ITGB5: variants seen among roughly 807,000 people sequenced by gnomAD.
ITGB5 encodes the protein integrin subunit beta 5, also known as integrin beta-5.
Under a neutral mutation model 84.8 loss-of-function variants are expected in ITGB5, and 38 were observed. That is an observed-to-expected ratio of 0.45 (90% confidence interval 0.35 to 0.59). The LOEUF (loss-of-function observed/expected upper bound fraction) is 0.59. ITGB5 is among the 20% of genes least tolerant of loss of function. The pLI, the probability that ITGB5 is intolerant of heterozygous loss-of-function variation, is 0.01. For synonymous variants in ITGB5, 393 were observed against 414.4 expected (o/e 0.95, Z 0.63); for missense variants, 905 against 1,034.5 (o/e 0.87, Z 1.72).
Position 124,796,406 on chromosome 3 carries a change from T to C in ITGB5, c.1675A>G (p.Lys559Glu), listed in dbSNP as rs751154512. Residue 559 changes from lysine to glutamate, a missense_variant, in exon 10 of 15, where the codon AAG (lysine) becomes GAG (glutamate). Lys to Glu is a moderately conservative substitution (Grantham distance 56). Transcript: ENST00000296181. ...ECDNFSCARN[K>E]GVLCSGHGEC... ...CACTTACCTGAGCAGAGGACTCCCT[T>C]GTTCCTGGCACAGGAGAAGTTGTCG... 5.0e-6 allele frequency: 8 copies of C among 1,612,198 alleles called. No homozygotes were observed. Among genetic ancestry groups the C allele is most frequent in the Non-Finnish European group, 6.8e-6 (8 of 1,178,814 alleles).
chr3:124,867,191 T>C (rs556609598), intron 2 of ITGB5, among the ~76,000 whole-genome samples: 3 of 152,038 alleles, frequency 2.0e-5, no homozygotes, highest in African/African-American at 7.2e-5. Context: ...CGACCCCATT[T>C]CCATGCATCC....
chr3:124,823,726 T>C (rs1243882897), intron 5 of ITGB5, among the ~76,000 whole-genome samples: 1 of 151,598 alleles, frequency 6.6e-6, no homozygotes, highest in Admixed American at 6.6e-5. Context: ...AATAAGGCAA[T>C]GCATTATAAG....
intron 5 of ITGB5, among the ~76,000 whole-genome samples, chr3:124,838,094 T>C (rs1159889269): frequency 2.0e-5 from 3 of 152,054 alleles, no homozygotes; most frequent in Admixed American, 6.6e-5. Flanking sequence ...ATGGGTGTGG[T>C]TGGGAATACA....
chr3:124,765,627 A>G (rs538344634), intron 13 of ITGB5, among the ~76,000 whole-genome samples: 2 of 152,186 alleles, frequency 1.3e-5, no homozygotes, highest in Non-Finnish European at 2.9e-5. Context: ...ACAGGGCCCT[A>G]TCCTTCTATA....
intron 3 of ITGB5, among the ~76,000 whole-genome samples, chr3:124,858,109 G>A (rs559246710): frequency 6.7e-6 from 1 of 150,002 alleles, no homozygotes. Context: ...ACTCCAGCCT[G>A]GGTGACAGAG....
intron 2 of ITGB5, among the ~76,000 whole-genome samples, chr3:124,873,068 CCAA>C (rs1276994381): frequency 6.6e-6 from 1 of 152,200 alleles, no homozygotes; most frequent in Non-Finnish European, 1.5e-5. Context: ...CTGGCTTCCA[CCAA>C]CATGCCAGCC....
intron 10 of ITGB5, chr3:124,787,401 A>G (rs2064097280): frequency 6.6e-6 from 1 of 152,188 alleles, no homozygotes; most frequent in Admixed American, 6.5e-5. Flanking sequence ...TTGTCTTTCA[A>G]GATCTCAAAG....
chr3:124,890,246 C>T (rs1934970105), upstream of ITGB5, among the ~76,000 whole-genome samples: 1 of 137,494 alleles, frequency 7.3e-6, no homozygotes, highest in Non-Finnish European at 1.5e-5. Context: ...CTCTGTCGCC[C>T]AAGCTGGAGT....
intron 10 of ITGB5, among the ~76,000 whole-genome samples, 163 bp downstream of exon 10, chr3:124,796,225 C>T (rs1388496393): frequency 6.6e-6 from 1 of 152,240 alleles, no homozygotes; most frequent in East Asian, 1.9e-4. Flanking sequence ...CACAGATCCC[C>T]ACCTCCTGCC....
At chr3:124,764,290 T>C (rs2150918156) in intron 14 of ITGB5, 101 bp downstream of exon 14, 4 of 1,265,492 alleles carry the variant, frequency 3.2e-6, no homozygotes, top group Non-Finnish European at 4.4e-6. Context: ...TTGTTTTTAA[T>C]GCCAAAGACA....
intron 3 of ITGB5, among the ~76,000 whole-genome samples, chr3:124,853,900 GTCAT>G (rs1241409563): frequency 6.6e-6 from 1 of 152,168 alleles, no homozygotes; most frequent in Non-Finnish European, 1.5e-5. Context: ...CCAATCAAGG[GTCAT>G]TTTTTAAGAG....
At position 124,873,925 on chromosome 3, in the gene ITGB5, A is replaced by T. The variant is rs547939808; in HGVS notation, c.71-394T>A. Among the ~76,000 whole-genome samples the T allele has an allele frequency of 1.4e-3, 206 of 152,248 alleles. 1 individual carries two copies. Among genetic ancestry groups the T allele is most frequent in the African/African-American group, 4.3e-3 (178 of 41,564 alleles). On this transcript the variant is annotated intron_variant, in intron 1 of 14. Coordinates refer to ENST00000296181, the MANE Select transcript of ITGB5 (RefSeq NM_002213.5). ...ATTGGTTTTATTCAAGAATTTTTTTAAAAAAATAAAATTCTAAATCAAATA... is the reference window on the plus strand; with the variant it reads ...ATTGGTTTTATTCAAGAATTTTTTTTAAAAAATAAAATTCTAAATCAAATA...
In ITGB5 at chr3:124,900,102, T is replaced by G. The variant is rs185227040; in HGVS notation, c.-255+1164A>C. Among the ~76,000 whole-genome samples, 106 of 152,272 alleles carry G rather than the reference T, an allele frequency of 7.0e-4. No individual in the cohort carries two copies. The Middle Eastern group carries it at 0.01, about 15-fold the overall frequency. On this transcript the variant is annotated intron_variant, in intron 1 of 4. Coordinates refer to the ITGB5 transcript ENST00000608657. The stretch of plus-strand genomic sequence containing the variant: ...CCAGGTCCTGGTAAATACAGGACAC[T>G]CTCAGCTTCAAATATATGTCACATT...
intron 1 of ITGB5, among the ~76,000 whole-genome samples, chr3:124,877,098 G>C (rs1934360286): frequency 6.7e-6 from 1 of 150,326 alleles, no homozygotes; most frequent in Non-Finnish European, 1.5e-5. Context: ...AGCCTCCCAA[G>C]TAGCTGGGAC....
intron 1 of ITGB5, among the ~76,000 whole-genome samples, chr3:124,880,295 G>A (rs2107649001): frequency 6.6e-6 from 1 of 152,292 alleles, no homozygotes; most frequent in South Asian, 2.1e-4. Context: ...ATGGACTTTA[G>A]TTAATAATAA....
At chr3:124,837,254 G>A (rs936415019) in intron 5 of ITGB5, among the ~76,000 whole-genome samples, 2 of 152,222 alleles carry the variant, frequency 1.3e-5, no homozygotes, top group Admixed American at 1.3e-4. Context: ...CATATTTCCA[G>A]TCTGAACCAC....
chr3:124,831,732 T>C (rs556018569), intron 5 of ITGB5, among the ~76,000 whole-genome samples: 3 of 152,166 alleles, frequency 2.0e-5, no homozygotes, highest in East Asian at 3.9e-4. Context: ...TTAACAATTG[T>C]CCAAATGAAG....
Position 124,859,151 on chromosome 3 carries a change from C to T in ITGB5, c.361+91G>A, listed in dbSNP as rs2065260295. ...TCTCGTGGCTCTGATCTCAGCCTGG[C>T]CTGACTCATTGTCCCATTATTAACA... On this transcript the variant is annotated intron_variant, in intron 3 of 14. Coordinates refer to ENST00000296181, the MANE Select transcript of ITGB5 (RefSeq NM_002213.5). The T allele has an allele frequency of 2.4e-6, 3 of 1,251,194 alleles. No individual in the cohort carries two copies. The Admixed American group carries it at 5.8e-5, about 24-fold the overall frequency. The allele number at this position is 1,251,194 out of a possible 1,614,324, so 77.5% of individuals were successfully genotyped here. A position where few individuals can be genotyped will look rare whatever the true frequency, so the allele number is the denominator to read the frequency against.
chr3:124,796,708 G>T lies in ITGB5; in HGVS notation c.1373C>A (p.Thr458Asn). 6.2e-7 allele frequency: 1 copy of T among 1,614,042 alleles called. No individual in the cohort carries two copies. Among genetic ancestry groups the T allele is most frequent in the South Asian group, 1.1e-5 (1 of 91,060 alleles). The change falls in exon 10 of 15, where the codon ACC (threonine) becomes AAC (asparagine). Residue 458 changes from threonine (T) to asparagine (N), a missense_variant. Coordinates refer to ENST00000296181, the MANE Select transcript of ITGB5 (RefSeq NM_002213.5). ...GCTGCAGCCGCACGTGCAGTTGTAG[G>T]TGACCCCCACCTCCAGGCTGTCCCG... is the stretch of plus-strand genomic sequence containing the variant. ...GFRDSLEVGV[T>N]YNCTCGCSVG...
Sources: gnomAD v4.1 joint callset for allele counts (sites outside exome capture counted in the v4.1 genomes callset) on GRCh38, gnomAD v4.1.1 for gene constraint, MANE v1.5 for transcripts, NCBI Gene and HGNC (gene_info 2026-07-23, HGNC 2026-07-21) for gene names.